LAMA2: variants seen among roughly 807,000 people sequenced by gnomAD.
LAMA2 encodes laminin subunit alpha-2.
A neutral mutation model predicts 364.8 loss-of-function variants in LAMA2; 269 were observed. The observed-to-expected ratio is 0.74, with a 90% CI of 0.67 to 0.82. LAMA2 has a LOEUF of 0.82. Among genes scored for constraint, LAMA2 ranks in the 40% least tolerant of loss-of-function variants. The pLI is 0.00. For synonymous variants in LAMA2, 1,379 were observed against 1,370.6 expected, an observed-to-expected ratio of 1.01 and a Z score of -0.14; for missense variants, 3,807 against 3,873.2, an observed-to-expected ratio of 0.98 and a Z score of 0.45.
At chr6:129,174,979 A>G (rs1405659359) in intron 9 of LAMA2, among the ~76,000 whole-genome samples, 1 of 152,208 alleles carries the variant, frequency 6.6e-6, no homozygotes, top group Non-Finnish European at 1.5e-5. Flanking sequence ...TAATACATGA[A>G]GTACTTCTAC....
intron 40 of LAMA2, among the ~76,000 whole-genome samples, chr6:129,418,036 C>T (rs1479373904): frequency 6.6e-6 from 1 of 152,106 alleles, no homozygotes; most frequent in African/African-American, 2.4e-5. Context: ...GGGGACATGG[C>T]TCCCACTTGT....
chr6:129,361,263 C>T (rs1440808701), intron 32 of LAMA2, among the ~76,000 whole-genome samples: 1 of 152,164 alleles, frequency 6.6e-6, no homozygotes, highest in East Asian at 1.9e-4. Flanking sequence ...AAGAACCTTC[C>T]TATTCTTCAT....
intron 6 of LAMA2, 35 bp from the exon 7 acceptor site, chr6:129,148,944 G>A: frequency 1.4e-6 from 2 of 1,381,898 alleles, no homozygotes; most frequent in South Asian, 1.2e-5. Context: ...TCTAAATGAG[G>A]CTAAAATTTG....
intron 12 of LAMA2, among the ~76,000 whole-genome samples, chr6:129,201,500 AAT>A (rs1782284946): frequency 6.6e-6 from 1 of 152,214 alleles, no homozygotes; most frequent in African/African-American, 2.4e-5. Context: ...CAGGGCTGCT[AAT>A]AGTTTATTTT....
chr6:129,185,813 CTA>C (rs1462610123), intron 10 of LAMA2, among the ~76,000 whole-genome samples: 3 of 151,640 alleles, frequency 2.0e-5, no homozygotes, highest in Non-Finnish European at 4.4e-5. Flanking sequence ...GGAAAAATGA[CTA>C]TTATAGTTCA....
chr6:129,459,471 T>C (rs577650288), intron 48 of LAMA2, among the ~76,000 whole-genome samples: 1 of 152,166 alleles, frequency 6.6e-6, no homozygotes, highest in African/African-American at 2.4e-5. Context: ...TTGATCAGAT[T>C]ATTTGTCGAT....
chr6:129,507,732 T>C (rs1786219606), intron 62 of LAMA2, 90 bp downstream of exon 62: 1 of 1,305,454 alleles, frequency 7.7e-7, no homozygotes, highest in Non-Finnish European at 1.1e-6. Flanking sequence ...GTTCCTAGAG[T>C]CCTAAACTAG....
intron 29 of LAMA2, among the ~76,000 whole-genome samples, chr6:129,341,673 A>G (rs535178710): frequency 1.3e-5 from 2 of 152,306 alleles, no homozygotes; most frequent in African/African-American, 4.8e-5. Context: ...TTATTGTGTT[A>G]AATATAATTC....
At position 129,177,715 on chromosome 6, in the gene LAMA2, C is replaced by A. The variant is rs768435216; in HGVS notation, c.1316C>A (p.Pro439His). The change falls in exon 10 of 65, where the codon CCT becomes CAT. Residue 439 changes from proline to histidine, a missense_variant. Transcript: ENST00000421865. ...GCTCATCTTTCTTTAGGTTTGGCAC[C>A]TGGATCCTGTCATTGCAAAACTGGT... ...DEKHARRGLA[P>H]GSCHCKTGFG... The A allele has an allele frequency of 6.2e-7, 1 of 1,613,830 alleles. No individual in the cohort carries two copies. Among genetic ancestry groups the A allele is most frequent in the Admixed American group, 1.7e-5 (1 of 59,928 alleles).
At chr6:129,358,313 G>A (rs1777268983) in intron 32 of LAMA2, among the ~76,000 whole-genome samples, 1 of 151,968 alleles carries the variant, frequency 6.6e-6, no homozygotes, top group African/African-American at 2.4e-5. Flanking sequence ...TGAGGAAGCT[G>A]TTCTGCTAGC....
intron 1 of LAMA2, among the ~76,000 whole-genome samples, chr6:129,026,426 C>A (rs2114724826): frequency 6.6e-6 from 1 of 152,092 alleles, no homozygotes; most frequent in Non-Finnish European, 1.5e-5. Flanking sequence ...TTGAGTCTAA[C>A]TGCAAAAAAA....
chr6:129,366,380 A>G lies in LAMA2; in HGVS notation c.4860+19A>G. On this transcript the variant is annotated intron_variant, in intron 33 of 64. Transcript: ENST00000421865. ...GCTAAAGGTAGGTTGGTGCAGTCACAAGCAAGGGCCAGGGACAAGGTGACA... is the reference window on the plus strand; with the variant it reads ...GCTAAAGGTAGGTTGGTGCAGTCACGAGCAAGGGCCAGGGACAAGGTGACA... The G allele has an allele frequency of 6.2e-7, 1 of 1,612,826 alleles. No homozygotes were observed. Among genetic ancestry groups the G allele is most frequent in the Non-Finnish European group, 8.5e-7 (1 of 1,179,706 alleles).
Position 129,371,263 on chromosome 6 carries a change from GT to G in LAMA2, c.4959+1274del, listed in dbSNP as rs1562501625. On this transcript the variant is annotated intron_variant, in intron 34 of 64. Coordinates refer to ENST00000421865, the MANE Select transcript of LAMA2 (RefSeq NM_000426.4). ...AACTTTGAGATGTGTGTGTGTGTGT[GT>G]GTGTGTGTGTGTGTGTACATCAGCA... Among the ~76,000 whole-genome samples the G allele has an allele frequency of 3.4e-4, 52 of 151,978 alleles. 1 individual carries two copies. The highest frequency in any genetic ancestry group is 9.2e-4 in the Admixed American group (14 of 15,252).
At chr6:129,494,026 A>C (rs17057464) in intron 58 of LAMA2, among the ~76,000 whole-genome samples, 2,935 of 152,332 alleles carry the variant, frequency 0.019, 115 homozygotes, top group African/African-American at 0.068. Flanking sequence ...GGAAATTATA[A>C]GGCCAAAAGA....
At chr6:129,194,050 C>T (rs935710997) in intron 12 of LAMA2, among the ~76,000 whole-genome samples, 2 of 151,908 alleles carry the variant, frequency 1.3e-5, no homozygotes, top group African/African-American at 2.4e-5. Flanking sequence ...AAATAAAAAT[C>T]GAATTAAACT....
chr6:129,115,364 G>A (rs983595671), intron 4 of LAMA2, among the ~76,000 whole-genome samples: 6 of 152,006 alleles, frequency 3.9e-5, no homozygotes, highest in Admixed American at 1.3e-4. Context: ...CTTTTGCCTC[G>A]GGTATTCTGG....
chr6:129,371,268 T>A (rs1278494777), intron 34 of LAMA2, among the ~76,000 whole-genome samples: 7 of 152,088 alleles, frequency 4.6e-5, no homozygotes, highest in African/African-American at 1.2e-4. Flanking sequence ...TGTGTGTGTG[T>A]GTGTGTGTGT....
In LAMA2 at chr6:129,456,395, G is replaced by C. The variant is rs1411226649; in HGVS notation, c.6768G>C (p.Val2256=). 1.2e-6 allele frequency: 2 copies of C among 1,613,364 alleles called. No individual in the cohort carries two copies. Among genetic ancestry groups the C allele is most frequent in the African/African-American group, 2.7e-5 (2 of 74,864 alleles). Residue 2256 remains valine, a synonymous_variant, in exon 48 of 65, where the codon GTG becomes GTC. Transcript: ENST00000421865. The part of the protein sequence containing the change: ...RALDGPKASI[V]PSTHHSTSPP... Reference sequence around the variant, plus strand: ...TGGATGGACCCAAAGCCAGCATTGTGCCCAGCACACACCATTCGACGTCTC... The same window carrying C: ...TGGATGGACCCAAAGCCAGCATTGTCCCCAGCACACACCATTCGACGTCTC...
rs139640896 is a variant in LAMA2 at position 128,953,293 on chromosome 6, T to C, written c.112+69936T>C. Among the ~76,000 whole-genome samples, 194 of 152,328 alleles carry C rather than the reference T, an allele frequency of 1.3e-3. 1 individual carries two copies. The highest frequency in any genetic ancestry group is 6.8e-3 in the Middle Eastern group (2 of 294). ...GTTACTTTAATTTTGTGTGAAAAAC[T>C]ATCTTCTTGATTTTAAGTAAAAGCA... On this transcript the variant is annotated intron_variant, in intron 1 of 64. Coordinates refer to ENST00000421865, the MANE Select transcript of LAMA2 (RefSeq NM_000426.4).
Sources: allele counts gnomAD v4.1 joint callset (sites outside exome capture counted in the v4.1 genomes callset), GRCh38; gene constraint gnomAD v4.1.1; transcripts MANE v1.5; gene names NCBI Gene and HGNC (gene_info 2026-07-23, HGNC 2026-07-21).